The following PCGF6 variants were observed in gnomAD, a reference collection of about 807,000 sequenced individuals.
The protein encoded by PCGF6 is polycomb group ring finger 6, also known as polycomb group RING finger protein 6.
In PCGF6, 24 loss-of-function variants were observed where a neutral mutation model predicts 45.5. The observed-to-expected ratio is 0.53, with a 90% CI of 0.38 to 0.74. The LOEUF (loss-of-function observed/expected upper bound fraction) is 0.74, where lower values mean the gene tolerates loss of function less well. Among genes scored for constraint, PCGF6 ranks in the 30% least tolerant of loss-of-function variants. The pLI, the probability that PCGF6 is intolerant of heterozygous loss-of-function variation, is 0.00. For missense variants in PCGF6, 356 were observed against 443.2 expected, an observed-to-expected ratio of 0.80 and a Z score of 1.77; for synonymous variants, 152 against 162.1, an observed-to-expected ratio of 0.94 and a Z score of 0.47.
chr10:103,333,937 C>G lies in PCGF6; in HGVS notation c.798G>C (p.Thr266=). The part of the protein sequence containing the change: ...LLEFIGANEG[T]GHFKPLEKKF... Reference sequence around the variant, plus strand: ...AAAAGTAAAATACCTTAAAATGTCCCGTGCCTTCATTAGCACTGAAAAATG... The same window carrying G: ...AAAAGTAAAATACCTTAAAATGTCCGGTGCCTTCATTAGCACTGAAAAATG... Residue 266 remains threonine, a synonymous_variant, in exon 7 of 10, where the codon ACG becomes ACC. Transcript: ENST00000369847. The G allele has an allele frequency of 6.4e-7, 1 of 1,553,174 alleles. No homozygotes were observed. Among genetic ancestry groups the G allele is most frequent in the Non-Finnish European group, 8.7e-7 (1 of 1,153,870 alleles).
chr10:103,316,695 A>G (rs375383456), intron 8 of PCGF6, among the ~76,000 whole-genome samples: 2 of 152,160 alleles, frequency 1.3e-5, no homozygotes, highest in Non-Finnish European at 2.9e-5. Flanking sequence ...CATCTCTGTT[A>G]TATCTCTTCA....
chr10:103,321,918 CAG>C (rs929012024), intron 8 of PCGF6, among the ~76,000 whole-genome samples: 13 of 147,780 alleles, frequency 8.8e-5, no homozygotes, highest in African/African-American at 3.2e-4. Context: ...TTTTTTGAGA[CAG>C]AGTCTCACTC....
intron 6 of PCGF6, among the ~76,000 whole-genome samples, chr10:103,340,181 A>G (rs1309740940): frequency 8.9e-5 from 2 of 22,388 alleles, no homozygotes; most frequent in African/African-American, 8.1e-5. Flanking sequence ...TGTCTCAGGG[A>G]AAAAAAAAAA....
At chr10:103,326,675 C>T in intron 7 of PCGF6, 43 bp from the exon 8 acceptor site, 1 of 1,418,442 alleles carries the variant, frequency 7.0e-7, no homozygotes, top group Non-Finnish European at 9.8e-7. Flanking sequence ...GTTAAATATA[C>T]CTGTACATGC....
intron 6 of PCGF6, among the ~76,000 whole-genome samples, chr10:103,334,925 C>T (rs755627753): frequency 6.6e-6 from 1 of 152,152 alleles, no homozygotes; most frequent in Non-Finnish European, 1.5e-5. Context: ...TTGGGACACA[C>T]AAATATGGTA....
At chr10:103,328,031 G>A (rs1288075487) in intron 7 of PCGF6, among the ~76,000 whole-genome samples, 1 of 151,978 alleles carries the variant, frequency 6.6e-6, no homozygotes, top group African/African-American at 2.4e-5. Context: ...ACATGTGGCT[G>A]GAATGTGGGA....
At chr10:103,319,834 T>A (rs1207262172) in intron 8 of PCGF6, among the ~76,000 whole-genome samples, 1 of 152,018 alleles carries the variant, frequency 6.6e-6, no homozygotes, top group Non-Finnish European at 1.5e-5. Flanking sequence ...TGAGATGGAG[T>A]CTTGCTCTGT....
At chr10:103,326,302 T>A (rs57906915) in intron 8 of PCGF6, among the ~76,000 whole-genome samples, 2,193 of 145,226 alleles carry the variant, frequency 0.015, 39 homozygotes, top group African/African-American at 0.047. Flanking sequence ...CGCAGAAGAA[T>A]GGCGTGAACC....
At chr10:103,322,057 G>A (rs936271904) in intron 8 of PCGF6, among the ~76,000 whole-genome samples, 4 of 151,742 alleles carry the variant, frequency 2.6e-5, no homozygotes, top group South Asian at 2.1e-4. Context: ...CACCACACCC[G>A]GCTAATGTTT....
Position 103,347,469 on chromosome 10 carries a change from G to A in PCGF6, c.558-19C>T. On this transcript the variant is annotated intron_variant, in intron 3 of 9. Transcript: ENST00000369847. ...GTCCAACCTAATAAAAGGAAAGGAT[G>A]GAGAATACCTCAGAATTCAGAAAAA... is the stretch of plus-strand genomic sequence containing the variant. 11 of 1,583,364 alleles carry A rather than the reference G, an allele frequency of 6.9e-6. No individual in the cohort carries two copies. The highest frequency in any genetic ancestry group is 9.5e-6 in the Non-Finnish European group (11 of 1,156,666).
intron 9 of PCGF6, 41 bp downstream of exon 9, chr10:103,314,145 A>G: frequency 3.1e-6 from 4 of 1,289,176 alleles, no homozygotes; most frequent in Non-Finnish European, 4.4e-6. Flanking sequence ...AACTTTCACT[A>G]AGTAACTTAT....
chr10:103,348,973 G>C lies in PCGF6; in HGVS notation c.387C>G (p.Thr129=). ...TGCAAATGGAACACAAGATGTATGG[G>C]GTCAGCTCAGAGAGATTAATCAGGC... The part of the protein sequence containing the change: ...EERLINLSEL[T]PYILCSICKG... Residue 129 remains threonine (T), a synonymous_variant, in exon 2 of 10, where the codon ACC becomes ACG. Coordinates refer to ENST00000369847, the MANE Select transcript of PCGF6 (RefSeq NM_001011663.2). 1 of 1,613,690 alleles carries C rather than the reference G, an allele frequency of 6.2e-7. No individual in the cohort carries two copies. Among genetic ancestry groups the C allele is most frequent in the Non-Finnish European group, 8.5e-7 (1 of 1,179,714 alleles).
chr10:103,321,036 T>C (rs2093195412), intron 8 of PCGF6, among the ~76,000 whole-genome samples: 1 of 152,216 alleles, frequency 6.6e-6, no homozygotes, highest in African/African-American at 2.4e-5. Context: ...CCCCAATTAA[T>C]GGGTCTGTAT....
chr10:103,315,968 ATG>A (rs755606997), intron 8 of PCGF6, among the ~76,000 whole-genome samples: 2,795 of 118,520 alleles, frequency 0.024, 72 homozygotes, highest in African/African-American at 0.061. Context: ...AACAGCTTAT[ATG>A]TGTGTGTGTG....
intron 8 of PCGF6, among the ~76,000 whole-genome samples, chr10:103,316,614 C>T (rs2093177111): frequency 6.6e-6 from 1 of 152,124 alleles, no homozygotes; most frequent in Non-Finnish European, 1.5e-5. Flanking sequence ...GCCTAAATGC[C>T]ATCTCAGGGG....
At chr10:103,325,793 A>T (rs2093215919) in intron 8 of PCGF6, among the ~76,000 whole-genome samples, 1 of 151,326 alleles carries the variant, frequency 6.6e-6, no homozygotes, top group Non-Finnish European at 1.5e-5. Context: ...CTGAGGCAAG[A>T]GGATTACTTG....
chr10:103,347,212 A>C, intron 5 of PCGF6, 26 bp downstream of exon 5: 4 of 1,532,896 alleles, frequency 2.6e-6, no homozygotes, highest in Non-Finnish European at 3.6e-6. Context: ...ATCTGTAAGT[A>C]CATTATAGTA....
intron 9 of PCGF6, chr10:103,312,391 C>CAA (rs370391569): frequency 6.9e-5 from 7 of 101,720 alleles, no homozygotes; most frequent in Non-Finnish European, 2.1e-5. Flanking sequence ...GACTCCGTCT[C>CAA]AAAAAAAAAA....
At chr10:103,326,996 C>A (rs1378936730) in intron 7 of PCGF6, among the ~76,000 whole-genome samples, 1 of 152,018 alleles carries the variant, frequency 6.6e-6, no homozygotes, top group African/African-American at 2.4e-5. Flanking sequence ...ATGTCTGAAA[C>A]AACTTTGAGG....
Sources: allele counts gnomAD v4.1 joint callset (sites outside exome capture counted in the v4.1 genomes callset), GRCh38; gene constraint gnomAD v4.1.1; transcripts MANE v1.5; gene names NCBI Gene and HGNC (gene_info 2026-07-23, HGNC 2026-07-21).